BFSP1: variants seen among roughly 807,000 people sequenced by gnomAD.
The protein encoded by BFSP1 is filensin.
A neutral mutation model predicts 43.9 loss-of-function variants in BFSP1; 38 were observed. That is an observed-to-expected ratio of 0.87 (90% CI 0.67 to 1.14). The LOEUF (loss-of-function observed/expected upper bound fraction) is 1.14. Among genes scored for constraint, BFSP1 ranks in the 50% most tolerant of loss-of-function variants. The pLI is 0.00. For synonymous variants in BFSP1, 352 were observed against 354.8 expected, an observed-to-expected ratio of 0.99 and a Z score of 0.09; for missense variants, 850 against 875.1, an observed-to-expected ratio of 0.97 and a Z score of 0.36.
chr20:17,504,250 A>C (rs561118322), intron 5 of BFSP1, among the ~76,000 whole-genome samples: 1 of 152,268 alleles, frequency 6.6e-6, no homozygotes, highest in African/African-American at 2.4e-5. Context: ...TGCTGAGTCC[A>C]GTGAAGTGAT....
chr20:17,565,028 T>C (rs935689433), intron 1 of BFSP1, among the ~76,000 whole-genome samples: 29 of 151,740 alleles, frequency 1.9e-4, no homozygotes, highest in Non-Finnish European at 3.5e-4. Context: ...GCCTCCTGTA[T>C]ACCCATGTAA....
At chr20:17,495,067 T>C (rs200966433) in intron 7 of BFSP1, 38 bp from the exon 8 acceptor site, 1 of 1,543,250 alleles carries the variant, frequency 6.5e-7, no homozygotes, top group East Asian at 2.3e-5. Flanking sequence ...AGTATAATTG[T>C]CACTGAGAGA....
intron 5 of BFSP1, among the ~76,000 whole-genome samples, chr20:17,508,192 G>A (rs1343014131): frequency 2.0e-5 from 3 of 152,136 alleles, no homozygotes; most frequent in Non-Finnish European, 2.9e-5. Flanking sequence ...TAACCCAAGC[G>A]TCCCTGTGGA....
chr20:17,559,386 C>A (rs1220681436), upstream of BFSP1, among the ~76,000 whole-genome samples: 1 of 152,192 alleles, frequency 6.6e-6, no homozygotes, highest in Non-Finnish European at 1.5e-5. Flanking sequence ...CTGTGCCAGG[C>A]ACTCAGTATC....
At chr20:17,548,180 C>CAAAAAAAAAAAAAAAAAAAAAAA (rs11470598) in intron 1 of BFSP1, among the ~76,000 whole-genome samples, 3 of 119,852 alleles carry the variant, frequency 2.5e-5, no homozygotes, top group African/African-American at 6.3e-5. Flanking sequence ...GAAAATAATG[C>CAAAAAAAAAAAAAAAAAAAAAAA]AAAAAAAAAA....
At chr20:17,558,702 A>G (rs2035035204) in exon 1 of BFSP1, 2 of 1,552,062 alleles carry the variant, frequency 1.3e-6, no homozygotes, top group Non-Finnish European at 1.7e-6. Flanking sequence ...TTTCTCCAGC[A>G]TGGAGGCTCC....
intron 1 of BFSP1, among the ~76,000 whole-genome samples, chr20:17,564,272 T>C (rs555116536): frequency 7.9e-5 from 12 of 151,168 alleles, no homozygotes; most frequent in Admixed American, 5.9e-4. Flanking sequence ...GAGGCTGAGA[T>C]TGGAGGATTG....
intron 5 of BFSP1, 144 bp from the exon 6 acceptor site, chr20:17,499,184 C>T (rs971962438): frequency 1.4e-6 from 1 of 701,586 alleles, no homozygotes. Context: ...CAATGAATCA[C>T]TTTGGAATCC....
In BFSP1 at chr20:17,517,434, C is replaced by A. The variant is rs952927300; in HGVS notation, c.439-2618G>T. 15 of 630,118 alleles carry A rather than the reference C, an allele frequency of 2.4e-5. No individual in the cohort carries two copies. The Admixed American group carries it at 3.6e-4, about 15-fold the overall frequency. 39.0% of individuals were successfully genotyped at this position (630,118 alleles called of 1,614,324 possible). A position where few individuals can be genotyped will look rare whatever the true frequency, so the allele number is the denominator to read the frequency against. On this transcript the variant is annotated intron_variant, in intron 2 of 7. Coordinates refer to ENST00000377873, the MANE Select transcript of BFSP1 (RefSeq NM_001195.5). ...AAGTAGCTGGGACTACAGGTGCACA[C>A]CACCACGCCCAGCTAATTTTTCTAT...
chr20:17,535,525 A>G (rs1759556524), upstream of BFSP1, among the ~76,000 whole-genome samples: 1 of 152,200 alleles, frequency 6.6e-6, no homozygotes, highest in Non-Finnish European at 1.5e-5. Context: ...GCGAGACTTC[A>G]TCTCAAAAAA....
Position 17,514,968 on chromosome 20 carries a change from T to C in BFSP1, c.439-152A>G, listed in dbSNP as rs558401548. 4 of 665,838 alleles carry C rather than the reference T, an allele frequency of 6.0e-6. No homozygotes were observed. In the East Asian group the frequency reaches 1.1e-4, roughly 19 times the overall value. The allele number at this position is 665,838 out of a possible 1,614,324, so 41.2% of individuals were successfully genotyped here. ...GGGAGGGGTCTGAGATTATGCATTC[T>C]AGCAAGGCAATGGCTTAGCCCATTG... On this transcript the variant is annotated intron_variant, in intron 2 of 7. Coordinates refer to ENST00000377873, the MANE Select transcript of BFSP1 (RefSeq NM_001195.5).
chr20:17,494,322 A>G lies in BFSP1; in HGVS notation c.1750T>C (p.Ser584Pro). Reference protein sequence around the residue: ...AMVTPGAEEPSIPEPPKPAAD... With the variant: ...AMVTPGAEEPPIPEPPKPAAD... ...GCAGGCTTTGGAGGCTCAGGTATAG[A>G]TGGTTCCTCTGCACCGGGTGTGACC... Residue 584 changes from serine to proline, a missense_variant, in exon 8 of 8, where the codon TCT becomes CCT. Transcript: ENST00000377873. 6.2e-7 allele frequency: 1 copy of G among 1,614,140 alleles called. No individual in the cohort carries two copies. Among genetic ancestry groups the G allele is most frequent in the East Asian group, 2.2e-5 (1 of 44,870 alleles).
intron 3 of BFSP1, among the ~76,000 whole-genome samples, chr20:17,512,914 G>A (rs527289113): frequency 4.6e-5 from 7 of 152,132 alleles, no homozygotes; most frequent in Non-Finnish European, 8.8e-5. Context: ...CTGTAGGGAT[G>A]CTGATCCCCT....
intron 1 of BFSP1, among the ~76,000 whole-genome samples, chr20:17,569,001 C>T (rs1257191569): frequency 6.6e-6 from 1 of 152,130 alleles, no homozygotes; most frequent in Non-Finnish European, 1.5e-5. Flanking sequence ...CCGACGCAAC[C>T]GCCCATTAGA....
chr20:17,536,510 T>G (rs1372603382), intron 1 of BFSP1, among the ~76,000 whole-genome samples: 1 of 152,230 alleles, frequency 6.6e-6, no homozygotes, highest in Non-Finnish European at 1.5e-5. Context: ...CCAGTCTAGG[T>G]GATAGAATGA....
At position 17,498,886 on chromosome 20, in the gene BFSP1, A is replaced by G. The variant is rs776246079; in HGVS notation, c.890T>C (p.Val297Ala). 6.2e-7 allele frequency: 1 copy of G among 1,614,000 alleles called. No homozygotes were observed. Among genetic ancestry groups the G allele is most frequent in the South Asian group, 1.1e-5 (1 of 91,066 alleles). ...KSSYDCRQLA[V>A]AQQTLKNELD... ...CTCATTCTTCAGGGTTTGCTGGGCGACCGCCAGCTGCCGGCAGTCGTAAGA... is the reference window on the plus strand; with the variant it reads ...CTCATTCTTCAGGGTTTGCTGGGCGGCCGCCAGCTGCCGGCAGTCGTAAGA... The change falls in exon 6 of 8, where the codon GTC becomes GCC. Residue 297 changes from valine to alanine, a missense_variant. Physicochemically the swap from Val to Ala is moderately conservative, Grantham distance 64 (BLOSUM62 0). Coordinates refer to ENST00000377873, the MANE Select transcript of BFSP1 (RefSeq NM_001195.5).
Position 17,493,989 on chromosome 20 carries a change from A to T in BFSP1, c.*85T>A. 7.8e-7 allele frequency: 1 copy of T among 1,280,190 alleles called. No homozygotes were observed. The highest frequency in any genetic ancestry group is 1.1e-6 in the Non-Finnish European group (1 of 919,782). 79.3% of individuals were successfully genotyped at this position (1,280,190 alleles called of 1,614,324 possible). A position where few individuals can be genotyped will look rare whatever the true frequency, so the allele number is the denominator to read the frequency against. ...TGGTCTAATCCAAACAGGAACCCTC[A>T]CCCTTTTATCATTTGCTCTAAAATA... On this transcript the variant is annotated 3_prime_UTR_variant, in exon 8 of 8. Coordinates refer to ENST00000377873, the MANE Select transcript of BFSP1 (RefSeq NM_001195.5).
At chr20:17,530,563 G>C (rs1043364260) in intron 1 of BFSP1, among the ~76,000 whole-genome samples, 6 of 152,230 alleles carry the variant, frequency 3.9e-5, no homozygotes, top group African/African-American at 1.4e-4. Flanking sequence ...CTGGGGCAAA[G>C]GGGACTGACT....
intron 1 of BFSP1, among the ~76,000 whole-genome samples, chr20:17,545,406 A>G (rs2034783485): frequency 6.6e-6 from 1 of 152,198 alleles, no homozygotes; most frequent in Non-Finnish European, 1.5e-5. Flanking sequence ...TTGGTTTGAT[A>G]TTTAGATTTC....
Sources: allele counts gnomAD v4.1 joint callset (sites outside exome capture counted in the v4.1 genomes callset), GRCh38; gene constraint gnomAD v4.1.1; transcripts MANE v1.5; gene names NCBI Gene and HGNC (gene_info 2026-07-23, HGNC 2026-07-21).